Variants in PIKFYVE observed in about 807,000 individuals in gnomAD.
PIKFYVE encodes phosphoinositide kinase, FYVE-type zinc finger containing.
Under a neutral mutation model 257.9 loss-of-function variants are expected in PIKFYVE, and 122 were observed. The ratio of observed to expected loss-of-function variants is 0.47; its 90% CI spans 0.41 to 0.55. PIKFYVE has a LOEUF of 0.55. Among genes scored for constraint, PIKFYVE ranks in the 20% least tolerant of loss-of-function variants. The pLI is 0.00. For missense variants in PIKFYVE, 2,160 were observed against 2,536.6 expected, an observed-to-expected ratio of 0.85 and a Z score of 3.19; for synonymous variants, 892 against 868.9, an observed-to-expected ratio of 1.03 and a Z score of -0.47.
At chr2:208,323,358 G>A (rs1409645473) in intron 17 of PIKFYVE, among the ~76,000 whole-genome samples, 2 of 143,906 alleles carry the variant, frequency 1.4e-5, no homozygotes, top group African/African-American at 5.2e-5. Flanking sequence ...AGAACATGTG[G>A]TGTTTGGTTT....
intron 16 of PIKFYVE, 143 bp from the exon 17 acceptor site, chr2:208,320,109 A>G: frequency 8.2e-7 from 1 of 1,225,154 alleles, no homozygotes. Context: ...CCGTAAAAGA[A>G]CTAAATGAGA....
chr2:208,326,098 A>G lies in PIKFYVE; in HGVS notation c.3287A>G (p.Lys1096Arg). 1 of 1,614,142 alleles carries G rather than the reference A, an allele frequency of 6.2e-7. No individual in the cohort carries two copies. Among genetic ancestry groups the G allele is most frequent in the South Asian group, 1.1e-5 (1 of 91,074 alleles). The stretch of plus-strand genomic sequence containing the variant: ...TCTCCTCTCCTCAATAAAGAATTCA[A>G]AGAAATGGAGAACAGGAGGAAGAAA... ...YWSPLLNKEF[K>R]EMENRRKKQL... Residue 1096 changes from lysine (K) to arginine (R), a missense_variant, in exon 20 of 42, where the codon AAA becomes AGA. Physicochemically the swap from Lys to Arg is conservative, Grantham distance 26. Transcript: ENST00000264380.
chr2:208,290,004 G>A (rs1692092348), intron 7 of PIKFYVE, among the ~76,000 whole-genome samples: 1 of 152,056 alleles, frequency 6.6e-6, no homozygotes, highest in South Asian at 2.1e-4. Flanking sequence ...CAAAAAATGA[G>A]CAGAAAGTAC....
intron 1 of PIKFYVE, 96 bp from the exon 2 acceptor site, chr2:208,271,415 C>A: frequency 1.7e-6 from 2 of 1,193,246 alleles, no homozygotes; most frequent in Non-Finnish European, 2.5e-6. Context: ...TGACTTTTCA[C>A]AGAATAGGAT....
chr2:208,295,073 TC>T (rs1472672152), intron 7 of PIKFYVE, among the ~76,000 whole-genome samples: 1 of 152,232 alleles, frequency 6.6e-6, no homozygotes, highest in East Asian at 1.9e-4. Context: ...TATTACTGGT[TC>T]CCATGGAGGT....
chr2:208,291,052 G>A (rs538131473), intron 7 of PIKFYVE, among the ~76,000 whole-genome samples: 8 of 152,286 alleles, frequency 5.3e-5, no homozygotes, highest in African/African-American at 1.9e-4. Flanking sequence ...GGAGTAGTGA[G>A]AGGGGACATC....
chr2:208,338,942 C>T (rs544315413), intron 29 of PIKFYVE, among the ~76,000 whole-genome samples: 2 of 152,282 alleles, frequency 1.3e-5, no homozygotes, highest in Non-Finnish European at 2.9e-5. Context: ...ATGTCTTTCA[C>T]AGTATTTCAT....
At chr2:208,324,041 T>G (rs1696624147) in intron 17 of PIKFYVE, 101 bp from the exon 18 acceptor site, 2 of 1,299,622 alleles carry the variant, frequency 1.5e-6, no homozygotes, top group Admixed American at 1.7e-5. Flanking sequence ...TTGCAAAAAT[T>G]TTCTCCCATT....
chr2:208,355,289 T>A lies in PIKFYVE; in HGVS notation c.6281T>A (p.Leu2094Ter), dbSNP rs1349229038. ...FLMVPDHWTGLGLNC is the reference protein window; with the variant it reads ...FLMVPDHWTG Reference sequence around the variant, plus strand: ...ATGGTACCAGACCACTGGACAGGCTTGGGTCTGAATTGCTGAAATCAAGCA... The same window carrying A: ...ATGGTACCAGACCACTGGACAGGCTAGGGTCTGAATTGCTGAAATCAAGCA... The change falls in exon 42 of 42, where the codon TTG becomes TAG. Residue 2094 changes from leucine to a stop codon, truncating the protein, a stop_gained. Transcript: ENST00000264380. LOFTEE classifies it high-confidence loss of function. 3.1e-6 allele frequency: 5 copies of A among 1,613,544 alleles called. No individual in the cohort carries two copies. Among genetic ancestry groups the A allele is most frequent in the Middle Eastern group, 3.3e-4 (2 of 6,062 alleles).
At chr2:208,330,469 G>A in intron 22 of PIKFYVE, 54 bp from the exon 23 acceptor site, 1 of 1,605,396 alleles carries the variant, frequency 6.2e-7, no homozygotes. Context: ...TTTGACAGTG[G>A]TTCTGATTTC....
At chr2:208,282,029 C>A (rs1237072419) in intron 5 of PIKFYVE, among the ~76,000 whole-genome samples, 1 of 152,104 alleles carries the variant, frequency 6.6e-6, no homozygotes, top group Non-Finnish European at 1.5e-5. Flanking sequence ...TCTTTTTTTA[C>A]TTTTGTCTAA....
At chr2:208,325,059 T>A in intron 19 of PIKFYVE, 22 bp downstream of exon 19, 1 of 1,613,960 alleles carries the variant, frequency 6.2e-7, no homozygotes, top group Non-Finnish European at 8.5e-7. Context: ...TTAGCATAGA[T>A]TGACCTGAGG....
chr2:208,348,604 G>A (rs1216484820), intron 35 of PIKFYVE, among the ~76,000 whole-genome samples: 2 of 143,634 alleles, frequency 1.4e-5, no homozygotes, highest in East Asian at 4.7e-4. Flanking sequence ...AAAAAAGTGT[G>A]TGTGTGTGTG....
At chr2:208,283,401 G>T (rs908125797) in intron 5 of PIKFYVE, among the ~76,000 whole-genome samples, 2 of 152,152 alleles carry the variant, frequency 1.3e-5, no homozygotes, top group Non-Finnish European at 2.9e-5. Context: ...TCTTGCTGAT[G>T]AACTTTCTTC....
chr2:208,334,898 T>C (rs1697962108), intron 24 of PIKFYVE, among the ~76,000 whole-genome samples: 1 of 152,104 alleles, frequency 6.6e-6, no homozygotes, highest in Non-Finnish European at 1.5e-5. Flanking sequence ...GTTGTAGCAT[T>C]TATTAGTCGA....
chr2:208,285,490 C>A (rs1392291974), intron 5 of PIKFYVE, among the ~76,000 whole-genome samples: 1 of 151,852 alleles, frequency 6.6e-6, no homozygotes, highest in Non-Finnish European at 1.5e-5. Context: ...TTTCTTTTAA[C>A]TTCTAACTTT....
intron 22 of PIKFYVE, 32 bp downstream of exon 22, chr2:208,329,945 A>G (rs776684551): frequency 1.2e-6 from 2 of 1,605,070 alleles, no homozygotes; most frequent in East Asian, 2.2e-5. Context: ...CTGTTCCATT[A>G]CACATTTTTG....
At chr2:208,352,846 A>AT (rs1699900765) in intron 39 of PIKFYVE, 64 bp downstream of exon 39, 1 of 1,558,444 alleles carries the variant, frequency 6.4e-7, no homozygotes, top group Non-Finnish European at 8.8e-7. Context: ...TGGTTCTTAA[A>AT]TATAGTGAAT....
At position 208,355,525 on chromosome 2, in the gene PIKFYVE, G is replaced by T; in HGVS notation, c.*220G>T. 1 of 470,428 alleles carries T rather than the reference G, an allele frequency of 2.1e-6. No homozygotes were observed. The highest frequency in any genetic ancestry group is 2.6e-5 in the South Asian group (1 of 37,966). The allele number at this position is 470,428 out of a possible 1,614,324, so 29.1% of individuals were successfully genotyped here. On this transcript the variant is annotated 3_prime_UTR_variant, in exon 42 of 42. Transcript: ENST00000264380. ...TGGAGCTGTCTGTAGGTTGGGAAGTGGCATGAAAATTTTCTTAAGCTAAAA... is the reference window on the plus strand; with the variant it reads ...TGGAGCTGTCTGTAGGTTGGGAAGTTGCATGAAAATTTTCTTAAGCTAAAA...
Sources: gnomAD v4.1 joint callset for allele counts (sites outside exome capture counted in the v4.1 genomes callset) on GRCh38, gnomAD v4.1.1 for gene constraint, MANE v1.5 for transcripts, NCBI Gene and HGNC (gene_info 2026-07-23, HGNC 2026-07-21) for gene names.